PDE7B: variants seen among roughly 807,000 people sequenced by gnomAD.
PDE7B encodes the protein 3',5'-cyclic-AMP phosphodiesterase 7B.
A neutral mutation model predicts 56.2 loss-of-function variants in PDE7B; 29 were observed. That is an observed-to-expected ratio of 0.52 (90% CI 0.38 to 0.70). The LOEUF (loss-of-function observed/expected upper bound fraction) is 0.70. PDE7B is among the 30% of genes least tolerant of loss of function. PDE7B has a pLI of 0.00. For missense variants in PDE7B, 490 were observed against 565.0 expected (o/e 0.87, Z 1.35); for synonymous variants, 197 against 196.9 (o/e 1.00, Z 0.00).
chr6:135,992,111 G>T (rs1775489060), intron 2 of PDE7B: 1 of 153,460 alleles, frequency 6.5e-6, no homozygotes, highest in Non-Finnish European at 1.4e-5. Context: ...ATTAGACCAG[G>T]GGTGTCCAAC....
intron 1 of PDE7B, among the ~76,000 whole-genome samples, chr6:135,891,236 C>A (rs544930853): frequency 6.4e-4 from 97 of 152,128 alleles, no homozygotes; most frequent in Non-Finnish European, 1.2e-3. Context: ...AGAAGCCATA[C>A]ATTTATTTTC....
chr6:136,069,458 C>T (rs1439639763), intron 2 of PDE7B, among the ~76,000 whole-genome samples: 1 of 152,182 alleles, frequency 6.6e-6, no homozygotes, highest in African/African-American at 2.4e-5. Context: ...GTTTCCCCTT[C>T]AATTCAGTCC....
chr6:136,001,668 T>C (rs1775670463), intron 2 of PDE7B, among the ~76,000 whole-genome samples: 1 of 151,888 alleles, frequency 6.6e-6, no homozygotes, highest in Non-Finnish European at 1.5e-5. Context: ...TAAAAAGAAA[T>C]GAACAAAGCC....
chr6:135,942,531 A>G (rs1372620607), intron 1 of PDE7B, among the ~76,000 whole-genome samples: 2 of 152,152 alleles, frequency 1.3e-5, no homozygotes, highest in Non-Finnish European at 2.9e-5. Context: ...CAATTTGCAA[A>G]TATACAATAC....
intron 1 of PDE7B, among the ~76,000 whole-genome samples, chr6:135,930,943 C>G (rs1194929765): frequency 2.6e-5 from 4 of 152,124 alleles, no homozygotes; most frequent in Non-Finnish European, 5.9e-5. Flanking sequence ...TTCTGATAAT[C>G]AAAATAGTTT....
intron 2 of PDE7B, among the ~76,000 whole-genome samples, chr6:136,014,159 T>C (rs530746414): frequency 2.0e-5 from 3 of 152,344 alleles, no homozygotes; most frequent in Admixed American, 2.0e-4. Context: ...TTATTGAGAT[T>C]ATTTTCATAA....
intron 1 of PDE7B, among the ~76,000 whole-genome samples, chr6:135,853,030 T>C (rs1339673191): frequency 2.0e-5 from 3 of 152,244 alleles, no homozygotes; most frequent in Admixed American, 6.5e-5. Context: ...CTAAAAATCA[T>C]TCCTATCCAA....
intron 2 of PDE7B, among the ~76,000 whole-genome samples, chr6:135,992,193 A>G (rs886231664): frequency 4.1e-5 from 6 of 147,448 alleles, no homozygotes; most frequent in Non-Finnish European, 7.4e-5. Flanking sequence ...CACTAATACT[A>G]ATGATACCTG....
chr6:136,185,124 T>C (rs1015257073), intron 11 of PDE7B, among the ~76,000 whole-genome samples: 1 of 152,196 alleles, frequency 6.6e-6, no homozygotes, highest in Non-Finnish European at 1.5e-5. Context: ...TATGATCATC[T>C]GGAGTTGAAG....
chr6:136,170,269 CCTTA>C (rs1264530178), intron 8 of PDE7B, among the ~76,000 whole-genome samples: 1 of 152,022 alleles, frequency 6.6e-6, no homozygotes, highest in South Asian at 2.1e-4. Flanking sequence ...GCTTCTTTTC[CCTTA>C]CTTTTTGTTT....
intron 2 of PDE7B, chr6:136,047,345 T>G (rs1776528895): frequency 6.6e-6 from 1 of 152,264 alleles, no homozygotes. Context: ...GCTGAGCTTT[T>G]GTATCTGCCA....
rs369643093 is a variant in PDE7B at position 135,893,043 on chromosome 6, T to C, written c.21+41024T>C. ...TGTCTTCTTTTAGATTTCTACCAAA[T>C]TGTAAATACCTATAGGGATAGGAGC... On this transcript the variant is annotated intron_variant, in intron 1 of 12. Transcript: ENST00000308191. Among the ~76,000 whole-genome samples the C allele has an allele frequency of 3.1e-3, 473 of 152,286 alleles. 2 individuals are homozygous for C. The highest frequency in any genetic ancestry group is 0.022 in the South Asian group (105 of 4,822).
At chr6:136,067,787 C>T (rs906816005) in intron 2 of PDE7B, among the ~76,000 whole-genome samples, 1 of 152,140 alleles carries the variant, frequency 6.6e-6, no homozygotes, top group African/African-American at 2.4e-5. Context: ...TTTTTCAACA[C>T]CTTGTGGATC....
At chr6:135,906,074 C>G (rs1776096119) in intron 1 of PDE7B, among the ~76,000 whole-genome samples, 1 of 152,094 alleles carries the variant, frequency 6.6e-6, no homozygotes, top group Non-Finnish European at 1.5e-5. Context: ...TTTCTGGTTG[C>G]TTGGAAGTGA....
intron 1 of PDE7B, among the ~76,000 whole-genome samples, chr6:135,855,505 A>G (rs1348018662): frequency 3.3e-5 from 5 of 152,146 alleles, no homozygotes; most frequent in African/African-American, 1.2e-4. Flanking sequence ...CTATTTAGGT[A>G]TTTATTTTTA....
intron 2 of PDE7B, among the ~76,000 whole-genome samples, chr6:136,021,269 T>C (rs1776065996): frequency 6.6e-6 from 1 of 152,232 alleles, no homozygotes; most frequent in Non-Finnish European, 1.5e-5. Flanking sequence ...TATTTCTTAC[T>C]ATCCCAGCAA....
intron 2 of PDE7B, among the ~76,000 whole-genome samples, chr6:136,070,634 T>G (rs1034527792): frequency 6.6e-6 from 1 of 152,194 alleles, no homozygotes; most frequent in African/African-American, 2.4e-5. Context: ...TCATTTAATT[T>G]AAAAAACATT....
chr6:136,049,850 A>G (rs1339055206), intron 2 of PDE7B, among the ~76,000 whole-genome samples: 1 of 152,238 alleles, frequency 6.6e-6, no homozygotes, highest in Non-Finnish European at 1.5e-5. Context: ...TTGTAGAACC[A>G]TTGAAAATCT....
intron 1 of PDE7B, among the ~76,000 whole-genome samples, chr6:135,922,920 A>G (rs1424812056): frequency 5.9e-5 from 9 of 152,152 alleles, no homozygotes; most frequent in African/African-American, 1.7e-4. Context: ...GATTTGTTCC[A>G]TCTTAGAATT....
Sources: allele counts gnomAD v4.1 joint callset (sites outside exome capture counted in the v4.1 genomes callset), GRCh38; gene constraint gnomAD v4.1.1; transcripts MANE v1.5; gene names NCBI Gene and HGNC (gene_info 2026-07-23, HGNC 2026-07-21).